IGF2BP3: variants seen among roughly 807,000 people sequenced by gnomAD.
The protein encoded by IGF2BP3 is insulin like growth factor 2 mRNA binding protein 3, also known as insulin-like growth factor 2 mRNA-binding protein 3.
IGF2BP3 carries 9 observed loss-of-function variants against 73.8 expected under a neutral mutation model. The ratio of observed to expected loss-of-function variants is 0.12; its 90% CI spans 0.07 to 0.21. The LOEUF is 0.21. Ranked by LOEUF, IGF2BP3 falls within the 10% of genes least tolerant of loss-of-function variation. The pLI is 1.00. For synonymous variants in IGF2BP3, 258 were observed against 256.7 expected (o/e 1.01, Z -0.05); for missense variants, 542 against 714.0 (o/e 0.76, Z 2.75).
At position 23,310,373 on chromosome 7, in the gene IGF2BP3, TAAGTA is replaced by T. The variant is rs777513204; in HGVS notation, c.*1984_*1988del. On this transcript the variant is annotated 3_prime_UTR_variant, in exon 15 of 15. Coordinates refer to ENST00000258729, the MANE Select transcript of IGF2BP3 (RefSeq NM_006547.3). ...CCAGATACTCCAAATTACAAATGCT[TAAGTA>T]AAAGTAAAATATGATTTGCCATACT... is the stretch of plus-strand genomic sequence containing the variant. 7.2e-5 allele frequency: 11 copies of T among 152,208 alleles called. No individual in the cohort carries two copies. The East Asian group carries it at 1.5e-3, about 21-fold the overall frequency. 9.4% of individuals were successfully genotyped at this position (152,208 alleles called of 1,614,324 possible).
intron 2 of IGF2BP3, among the ~76,000 whole-genome samples, chr7:23,423,738 C>T (rs575532871): frequency 3.6e-4 from 54 of 151,142 alleles, no homozygotes; most frequent in African/African-American, 1.2e-3. Context: ...ATAAAGGGAC[C>T]GAGAAAAACA....
chr7:23,316,174 T>C (rs1314534349), intron 12 of IGF2BP3, among the ~76,000 whole-genome samples: 1 of 152,210 alleles, frequency 6.6e-6, no homozygotes, highest in Non-Finnish European at 1.5e-5. Flanking sequence ...TGATTTTCTT[T>C]CTTCACCTAA....
chr7:23,375,765 T>C (rs192892983), intron 3 of IGF2BP3, among the ~76,000 whole-genome samples: 96 of 152,272 alleles, frequency 6.3e-4, no homozygotes, highest in Non-Finnish European at 1.3e-3. Flanking sequence ...ACTACCCCTA[T>C]TTAAAGCTTA....
At chr7:23,389,543 G>GT (rs546630324) in intron 3 of IGF2BP3, among the ~76,000 whole-genome samples, 19,620 of 145,456 alleles carry the variant, frequency 0.13, 1,317 homozygotes, top group Middle Eastern at 0.21. Context: ...ATTCAGTACT[G>GT]TTTTTTTTTT....
intron 5 of IGF2BP3, among the ~76,000 whole-genome samples, chr7:23,359,101 G>A (rs934904975): frequency 2.0e-5 from 3 of 152,122 alleles, no homozygotes; most frequent in African/African-American, 7.2e-5. Flanking sequence ...TCCTCCTTGG[G>A]ATCAACAGAA....
At chr7:23,325,799 A>G (rs1784278566) in intron 10 of IGF2BP3, among the ~76,000 whole-genome samples, 1 of 152,318 alleles carries the variant, frequency 6.6e-6, no homozygotes, top group African/African-American at 2.4e-5. Flanking sequence ...CTAATCTTTG[A>G]CAAACCTGAG....
chr7:23,358,075 C>T (rs2128507052), intron 5 of IGF2BP3, among the ~76,000 whole-genome samples: 1 of 152,308 alleles, frequency 6.6e-6, no homozygotes, highest in South Asian at 2.1e-4. Context: ...TATTATGAAA[C>T]ATGTTTTGGA....
At chr7:23,348,468 G>A (rs75006158) in intron 6 of IGF2BP3, among the ~76,000 whole-genome samples, 279 of 152,282 alleles carry the variant, frequency 1.8e-3, no homozygotes, top group African/African-American at 6.5e-3. Context: ...GGAGCAAACT[G>A]GTCAGCAAAA....
chr7:23,446,215 A>T (rs552495014), intron 2 of IGF2BP3, among the ~76,000 whole-genome samples: 1 of 152,210 alleles, frequency 6.6e-6, no homozygotes, highest in Non-Finnish European at 1.5e-5. Flanking sequence ...CATGAGTCTA[A>T]TATTAATATA....
At chr7:23,319,469 C>T (rs1368281463) in intron 10 of IGF2BP3, among the ~76,000 whole-genome samples, 1 of 152,110 alleles carries the variant, frequency 6.6e-6, no homozygotes, top group Non-Finnish European at 1.5e-5. Context: ...TTTCACTTTT[C>T]TCTACTGTTG....
chr7:23,346,724 C>T (rs1439749045), intron 7 of IGF2BP3, among the ~76,000 whole-genome samples: 2 of 152,048 alleles, frequency 1.3e-5, no homozygotes, highest in East Asian at 3.9e-4. Context: ...TCCCAAGTGG[C>T]TGGGACTACA....
At chr7:23,380,784 G>A (rs1785885902) in intron 3 of IGF2BP3, among the ~76,000 whole-genome samples, 1 of 152,204 alleles carries the variant, frequency 6.6e-6, no homozygotes, top group Admixed American at 6.5e-5. Flanking sequence ...TACAAAGGCA[G>A]AGACTGGGAT....
intron 2 of IGF2BP3, among the ~76,000 whole-genome samples, chr7:23,432,435 C>CA (rs1325269387): frequency 1.3e-5 from 2 of 152,122 alleles, no homozygotes; most frequent in Non-Finnish European, 2.9e-5. Context: ...GATACAGGCA[C>CA]ACATCATCAC....
chr7:23,457,341 T>G (rs1050889525), intron 2 of IGF2BP3, among the ~76,000 whole-genome samples: 6 of 151,148 alleles, frequency 4.0e-5, no homozygotes, highest in African/African-American at 1.5e-4. Context: ...GGCACACACC[T>G]GTAATCCCAG....
At chr7:23,443,092 C>T (rs913713048) in intron 2 of IGF2BP3, among the ~76,000 whole-genome samples, 11 of 142,940 alleles carry the variant, frequency 7.7e-5, no homozygotes, top group African/African-American at 2.6e-4. Flanking sequence ...CATATTTAAA[C>T]ATTACAGTGA....
At chr7:23,442,995 T>A (rs1159701063) in intron 2 of IGF2BP3, among the ~76,000 whole-genome samples, 1 of 152,134 alleles carries the variant, frequency 6.6e-6, no homozygotes, top group Non-Finnish European at 1.5e-5. Flanking sequence ...AATTATACTG[T>A]TATTAAACTT....
intron 2 of IGF2BP3, among the ~76,000 whole-genome samples, chr7:23,428,730 GA>G (rs576484578): frequency 2.0e-3 from 262 of 129,002 alleles, no homozygotes; most frequent in South Asian, 3.2e-3. Flanking sequence ...TTTTTAGGGG[GA>G]AAAAAAAAAA....
intron 2 of IGF2BP3, among the ~76,000 whole-genome samples, chr7:23,424,979 C>G (rs117655012): frequency 0.024 from 3,730 of 152,272 alleles, 84 homozygotes; most frequent in Non-Finnish European, 0.035. Flanking sequence ...GTCCCCCTTA[C>G]GTAGCATGCC....
intron 2 of IGF2BP3, among the ~76,000 whole-genome samples, chr7:23,426,094 A>C (rs982124921): frequency 2.0e-5 from 3 of 152,154 alleles, no homozygotes; most frequent in Admixed American, 2.0e-4. Flanking sequence ...TCAGAGGCCA[A>C]GGCAGGCAGA....
Sources: allele counts gnomAD v4.1 joint callset (sites outside exome capture counted in the v4.1 genomes callset), GRCh38; gene constraint gnomAD v4.1.1; transcripts MANE v1.5; gene names NCBI Gene and HGNC (gene_info 2026-07-23, HGNC 2026-07-21).